The following ZNF420 variants were observed in gnomAD, a reference collection of about 807,000 sequenced individuals.
The protein encoded by ZNF420 is zinc finger protein 420.
In ZNF420, 31 loss-of-function variants were observed where a neutral mutation model predicts 44.7. That is an observed-to-expected ratio of 0.69 (90% confidence interval 0.52 to 0.94). The LOEUF (loss-of-function observed/expected upper bound fraction) is 0.94, where lower values mean the gene tolerates loss of function less well. ZNF420 is among the 40% of genes least tolerant of loss of function. The pLI is 0.00. For synonymous variants in ZNF420, 245 were observed against 267.4 expected (o/e 0.92, Z 0.82); for missense variants, 681 against 827.9 (o/e 0.82, Z 2.18).
At chr19:37,063,331 T>G (rs1204026945) in intron 1 of ZNF420, among the ~76,000 whole-genome samples, 1 of 152,172 alleles carries the variant, frequency 6.6e-6, no homozygotes, top group Non-Finnish European at 1.5e-5. Context: ...AACTGCCTGT[T>G]TTTCTGTGGC....
chr19:37,110,980 G>T (rs541110472), intron 4 of ZNF420, among the ~76,000 whole-genome samples: 5 of 152,302 alleles, frequency 3.3e-5, no homozygotes, highest in Non-Finnish European at 7.4e-5. Context: ...TGTCTAACTT[G>T]TTCCTTGGTT....
chr19:37,060,680 C>T (rs1381352462), intron 1 of ZNF420, among the ~76,000 whole-genome samples: 1 of 151,952 alleles, frequency 6.6e-6, no homozygotes, highest in African/African-American at 2.4e-5. Flanking sequence ...AGGGAAGCTA[C>T]CTTGGTCTCC....
At chr19:37,053,897 G>A (rs539228463) in intron 1 of ZNF420, among the ~76,000 whole-genome samples, 11 of 152,298 alleles carry the variant, frequency 7.2e-5, no homozygotes, top group East Asian at 1.9e-4. Context: ...TGTCAGACAC[G>A]GACATTTAAG....
chr19:37,031,757 TTATTATG>T (rs1967261982), intron 1 of ZNF420, among the ~76,000 whole-genome samples: 1 of 152,066 alleles, frequency 6.6e-6, no homozygotes, highest in African/African-American at 2.4e-5. Context: ...AAACCTGGCT[TTATTATG>T]TATTTTTTAT....
intron 4 of ZNF420, among the ~76,000 whole-genome samples, chr19:37,117,636 G>A (rs1409973185): frequency 6.6e-6 from 1 of 152,224 alleles, no homozygotes; most frequent in Non-Finnish European, 1.5e-5. Context: ...ACTTTGATGA[G>A]TTGAGAGAAG....
chr19:37,093,644 T>G (rs1483355676), intron 4 of ZNF420, among the ~76,000 whole-genome samples: 1 of 152,094 alleles, frequency 6.6e-6, no homozygotes, highest in Non-Finnish European at 1.5e-5. Flanking sequence ...TTAGATTACA[T>G]CAACATGAGA....
intron 1 of ZNF420, among the ~76,000 whole-genome samples, chr19:37,080,104 C>T (rs1423330508): frequency 1.3e-5 from 2 of 152,120 alleles, no homozygotes; most frequent in African/African-American, 2.4e-5. Context: ...ACCTGAAGCA[C>T]CCCACTGCAG....
rs1971472433 is a variant in ZNF420 at position 37,128,283 on chromosome 19, G to C, written c.1292G>C (p.Gly431Ala). ...CKECGKAFNRGSLLTRHQRIH... is the reference protein window; with the variant it reads ...CKECGKAFNRASLLTRHQRIH... ...GAATGTGGAAAAGCGTTTAATCGTG[G>C]CTCACTCCTTACACGACACCAGAGG... The change falls in exon 5 of 5, where the codon GGC (glycine) becomes GCC (alanine). Residue 431 changes from glycine (G) to alanine (A), a missense_variant. Physicochemically the swap from Gly to Ala is moderately conservative, Grantham distance 60 (BLOSUM62 0). Coordinates refer to ENST00000337995, the MANE Select transcript of ZNF420 (RefSeq NM_144689.5). 6.2e-7 allele frequency: 1 copy of C among 1,613,864 alleles called. No individual in the cohort carries two copies. Among genetic ancestry groups the C allele is most frequent in the Non-Finnish European group, 8.5e-7 (1 of 1,179,922 alleles).
At chr19:37,042,141 G>A (rs1371973169) in intron 1 of ZNF420, among the ~76,000 whole-genome samples, 9 of 152,162 alleles carry the variant, frequency 5.9e-5, no homozygotes. Flanking sequence ...TGGGACTACA[G>A]GTGCCCACCA....
rs919000243 is a variant in ZNF420 at position 37,123,594 on chromosome 19, CTT to C, written c.137-3533_137-3532del. Among the ~76,000 whole-genome samples the C allele has an allele frequency of 2.6e-5, 3 of 113,848 alleles. No homozygotes were observed. In the South Asian group the frequency reaches 8.2e-4, roughly 31 times the overall value. 74.7% of individuals were successfully genotyped at this position (113,848 alleles called of 152,430 possible). A position where few individuals can be genotyped will look rare whatever the true frequency, so the allele number is the denominator to read the frequency against. ...CTTGACTTCTTTATTTTCTTTTACT[CTT>C]GTCTTTTTTTTTTTTTTTTTTTTTT... On this transcript the variant is annotated intron_variant, in intron 4 of 4. Coordinates refer to ENST00000337995, the MANE Select transcript of ZNF420 (RefSeq NM_144689.5).
Position 37,096,218 on chromosome 19 carries a change from C to G in ZNF420, c.136+5097C>G, listed in dbSNP as rs553421360. ...CACTTCTAGATGTTTGATGTTCTCC[C>G]CCTCTCCCAGATCTTTTTTTTTTAA... On this transcript the variant is annotated intron_variant, in intron 4 of 4. Coordinates refer to ENST00000337995, the MANE Select transcript of ZNF420 (RefSeq NM_144689.5). 9.8e-5 allele frequency: 10 copies of G among 102,282 alleles called. No individual in the cohort carries two copies. In the East Asian group the frequency reaches 2.6e-3, roughly 27 times the overall value. The allele number at this position is 102,282 out of a possible 1,614,324, so 6.3% of individuals were successfully genotyped here.
intron 1 of ZNF420, chr19:37,025,258 A>G (rs1967133333): frequency 3.5e-6 from 1 of 288,794 alleles, no homozygotes; most frequent in Admixed American, 3.9e-5. Context: ...TTGAACATGT[A>G]TATGAGGCTG....
intron 1 of ZNF420, among the ~76,000 whole-genome samples, chr19:37,011,494 G>T (rs1165614720): frequency 6.6e-6 from 1 of 152,172 alleles, no homozygotes; most frequent in Non-Finnish European, 1.5e-5. Flanking sequence ...GAGCCAAAGG[G>T]ATTGGGCTGG....
At chr19:37,015,053 G>A (rs2074599733) in intron 1 of ZNF420, among the ~76,000 whole-genome samples, 1 of 152,246 alleles carries the variant, frequency 6.6e-6, no homozygotes. Flanking sequence ...CTCCCCGGAG[G>A]GGCTTCCTGG....
intron 1 of ZNF420, among the ~76,000 whole-genome samples, chr19:37,049,558 A>G (rs1967601346): frequency 6.6e-6 from 1 of 151,568 alleles, no homozygotes; most frequent in African/African-American, 2.4e-5. Context: ...CTTTTTGATG[A>G]GGTTGTTTGT....
intron 1 of ZNF420, among the ~76,000 whole-genome samples, chr19:37,037,629 T>C (rs546242281): frequency 1.3e-5 from 2 of 152,296 alleles, no homozygotes; most frequent in East Asian, 3.9e-4. Flanking sequence ...GGCTCCTGTT[T>C]CAGGTGGACA....
chr19:37,127,470 T>G lies in ZNF420; in HGVS notation c.479T>G (p.Ile160Ser). 1.2e-6 allele frequency: 2 copies of G among 1,614,054 alleles called. No individual in the cohort carries two copies. Among genetic ancestry groups the G allele is most frequent in the Non-Finnish European group, 1.7e-6 (2 of 1,179,980 alleles). Residue 160 changes from isoleucine to serine, a missense_variant, in exon 5 of 5, where the codon ATT becomes AGT. By Grantham distance (142) the Ile-to-Ser change is moderately radical. This residue lies in a region of ZNF420 where 350 missense variants were observed against 382.5 expected (regional missense o/e 0.92). Transcript: ENST00000337995. ...TCACACCTAACACAACATCAAAGTA[T>G]TCATACTGGTGAAAAACCCTATGAA... ...RASHLTQHQSIHTGEKPYECK... is the reference protein window; with the variant it reads ...RASHLTQHQSSHTGEKPYECK...
Position 37,010,341 on chromosome 19 carries a change from AG to A in ZNF420, c.-125+2260del, listed in dbSNP as rs1217211176. 1.0e-3 allele frequency among the ~76,000 whole-genome samples: 153 copies of A among 152,268 alleles called. 1 individual carries two copies. Among genetic ancestry groups the A allele is most frequent in the African/African-American group, 3.5e-3 (146 of 41,568 alleles). On this transcript the variant is annotated intron_variant, in intron 1 of 4. Coordinates refer to the ZNF420 transcript ENST00000587029. ...GCCTCAACTGCCGGGACGGTGTTCA[AG>A]TGAGTCTCCCCAAAAGTCATGCCCC...
At chr19:37,079,601 G>C (rs973732844) in intron 1 of ZNF420, among the ~76,000 whole-genome samples, 2 of 152,184 alleles carry the variant, frequency 1.3e-5, no homozygotes, top group Non-Finnish European at 2.9e-5. Flanking sequence ...AGGGGATTGG[G>C]TGCAGGGAAG....
Sources: gnomAD v4.1 joint callset for allele counts (sites outside exome capture counted in the v4.1 genomes callset) on GRCh38, gnomAD v4.1.1 for gene constraint, gnomAD v4.1.1 regional missense constraint, MANE v1.5 for transcripts, NCBI Gene and HGNC (gene_info 2026-07-23, HGNC 2026-07-21) for gene names.